Variants in SEL1L2 observed in about 807,000 individuals in gnomAD.
SEL1L2 encodes the protein protein sel-1 homolog 2.
In SEL1L2, 89 loss-of-function variants were observed where a neutral mutation model predicts 98.8. The ratio of observed to expected loss-of-function variants is 0.90; its 90% CI spans 0.76 to 1.07. The LOEUF is 1.07. SEL1L2 is among the 50% of genes least tolerant of loss of function. SEL1L2 has a pLI of 0.00. For synonymous variants in SEL1L2, 262 were observed against 278.5 expected (o/e 0.94, Z 0.59); for missense variants, 788 against 812.0 (o/e 0.97, Z 0.36).
At chr20:13,983,503 T>C (rs189237703) in intron 1 of SEL1L2, among the ~76,000 whole-genome samples, 29 of 152,118 alleles carry the variant, frequency 1.9e-4, no homozygotes, top group African/African-American at 6.5e-4. Flanking sequence ...CACTAGCTTT[T>C]GTTTTTTGTT....
chr20:13,878,305 C>CT (rs1356280704), intron 10 of SEL1L2, among the ~76,000 whole-genome samples: 3 of 25,316 alleles, frequency 1.2e-4, no homozygotes, highest in Non-Finnish European at 3.0e-4. Context: ...TATGAAACCG[C>CT]TCTTTTTTTT....
intron 2 of SEL1L2, among the ~76,000 whole-genome samples, chr20:13,938,502 A>C (rs757840020): frequency 3.3e-5 from 5 of 152,228 alleles, no homozygotes; most frequent in Non-Finnish European, 7.3e-5. Flanking sequence ...AAAACAACAC[A>C]CAATTTAACT....
At chr20:13,873,354 T>TTTTA (rs575426736) in intron 12 of SEL1L2, among the ~76,000 whole-genome samples, 68 of 151,974 alleles carry the variant, frequency 4.5e-4, no homozygotes, top group African/African-American at 9.9e-4. Flanking sequence ...ACTCATTTAT[T>TTTTA]TTTATTTATT....
Position 13,924,956 on chromosome 20 carries a change from T to C in SEL1L2, c.284-5833A>G, listed in dbSNP as rs188705201. On this transcript the variant is annotated intron_variant, in intron 3 of 19. Transcript: ENST00000284951. ...GAGTTCGAGACCAGCCTGGCCAACA[T>C]GGTGAGATCCTGTCTCTACTAAAAA... Among the ~76,000 whole-genome samples, 9 of 152,094 alleles carry C rather than the reference T, an allele frequency of 5.9e-5. No individual in the cohort carries two copies. The East Asian group carries it at 1.7e-3, about 30-fold the overall frequency.
chr20:13,986,924 C>A (rs1601059681), intron 1 of SEL1L2, among the ~76,000 whole-genome samples: 1 of 152,294 alleles, frequency 6.6e-6, no homozygotes, highest in South Asian at 2.1e-4. Context: ...GCTCCGCCTC[C>A]CGGGTTCAAG....
intron 1 of SEL1L2, among the ~76,000 whole-genome samples, chr20:13,989,214 T>G (rs1018773240): frequency 3.3e-5 from 5 of 152,228 alleles, no homozygotes; most frequent in African/African-American, 1.2e-4. Context: ...GTAAAATTTA[T>G]TCTTAAGTAG....
At position 13,865,386 on chromosome 20, in the gene SEL1L2, T is replaced by C. The variant is rs1990830065; in HGVS notation, c.1533A>G (p.Glu511=). ...QYALLAEMGY[E]VAQSNSAFIL... is the part of the protein sequence containing the mutation. ...TGAATGCTGAATTGCTTTGAGCTAC[T>C]TCATACCCCATTTCTGCAAGCAGTG... The change falls in exon 16 of 20, where the codon GAA becomes GAG. Residue 511 remains glutamate (E), a synonymous_variant. Coordinates refer to ENST00000284951, the MANE Select transcript of SEL1L2 (RefSeq NM_025229.2). 6.2e-7 allele frequency: 1 copy of C among 1,614,190 alleles called. No homozygotes were observed.
chr20:13,894,309 CA>C (rs1488074564), intron 5 of SEL1L2, among the ~76,000 whole-genome samples: 3 of 152,156 alleles, frequency 2.0e-5, no homozygotes, highest in African/African-American at 7.2e-5. Context: ...CCTGTAATCT[CA>C]GCACTTTGGG....
intron 1 of SEL1L2, among the ~76,000 whole-genome samples, chr20:13,966,833 T>A (rs1458088946): frequency 6.6e-6 from 1 of 150,632 alleles, no homozygotes; most frequent in African/African-American, 2.4e-5. Flanking sequence ...GGCACTTTAA[T>A]AACAAATGTA....
At chr20:13,946,102 A>G (rs1335998653) in intron 2 of SEL1L2, among the ~76,000 whole-genome samples, 1 of 152,234 alleles carries the variant, frequency 6.6e-6, no homozygotes, top group African/African-American at 2.4e-5. Flanking sequence ...TTCATTCAAC[A>G]TAGTACTGAA....
At chr20:13,946,346 T>C (rs1247903424) in intron 2 of SEL1L2, among the ~76,000 whole-genome samples, 1 of 151,750 alleles carries the variant, frequency 6.6e-6, no homozygotes, top group Non-Finnish European at 1.5e-5. Flanking sequence ...ATACTACAAA[T>C]GAAGAAGCCA....
At chr20:13,850,018 T>C (rs1474683362) in intron 19 of SEL1L2, 173 bp downstream of exon 19, 3 of 662,300 alleles carry the variant, frequency 4.5e-6, no homozygotes, top group Non-Finnish European at 7.6e-6. Flanking sequence ...TGTCAACACA[T>C]ACTCAATAGA....
intron 5 of SEL1L2, among the ~76,000 whole-genome samples, chr20:13,897,926 A>C (rs1409413031): frequency 6.6e-6 from 1 of 151,630 alleles, no homozygotes; most frequent in Non-Finnish European, 1.5e-5. Context: ...CATACCTGTT[A>C]AGATGGCCAC....
chr20:13,941,096 T>C (rs1475590609), intron 2 of SEL1L2, among the ~76,000 whole-genome samples: 3 of 152,216 alleles, frequency 2.0e-5, no homozygotes, highest in African/African-American at 7.2e-5. Context: ...ATATAATTAT[T>C]GTTTTGCTTG....
chr20:13,928,854 A>T (rs1221814515), intron 3 of SEL1L2, among the ~76,000 whole-genome samples: 1 of 152,238 alleles, frequency 6.6e-6, no homozygotes, highest in Non-Finnish European at 1.5e-5. Context: ...CACTTAAATT[A>T]AAAAATGTAG....
At chr20:13,982,700 T>C (rs995321362) in intron 1 of SEL1L2, among the ~76,000 whole-genome samples, 5 of 151,630 alleles carry the variant, frequency 3.3e-5, no homozygotes, top group Non-Finnish European at 7.4e-5. Context: ...CAATGCCTTT[T>C]CTCTGCCTCA....
At position 13,876,031 on chromosome 20, in the gene SEL1L2, G is replaced by A. The variant is rs1293633072; in HGVS notation, c.1104+7C>T. ...TATGTGTTTACAACAGTGCATTGAG[G>A]ACATACCTTACTGGCTGCCATGGAA... On this transcript the variant is annotated splice_region_variant and intron_variant, in intron 12 of 19. Coordinates refer to ENST00000284951, the MANE Select transcript of SEL1L2 (RefSeq NM_025229.2). The A allele has an allele frequency of 1.3e-5, 21 of 1,608,436 alleles. No homozygotes were observed. The highest frequency in any genetic ancestry group is 1.7e-5 in the Non-Finnish European group (20 of 1,174,888).
At chr20:13,917,482 A>G (rs1413478988) in intron 4 of SEL1L2, among the ~76,000 whole-genome samples, 2 of 152,204 alleles carry the variant, frequency 1.3e-5, no homozygotes, top group African/African-American at 4.8e-5. Context: ...ACTGTGAGCA[A>G]TGAATAATTT....
intron 2 of SEL1L2, among the ~76,000 whole-genome samples, chr20:13,939,665 CT>C (rs3042764): frequency 0.022 from 3,014 of 138,488 alleles, 121 homozygotes; most frequent in African/African-American, 0.079. Context: ...CACCCTTATT[CT>C]TTTTTTTTTT....
Sources: gnomAD v4.1 joint callset for allele counts (sites outside exome capture counted in the v4.1 genomes callset) on GRCh38, gnomAD v4.1.1 for gene constraint, MANE v1.5 for transcripts, NCBI Gene and HGNC (gene_info 2026-07-23, HGNC 2026-07-21) for gene names.